Variants in GSK3B observed in about 807,000 individuals in gnomAD.
GSK3B encodes glycogen synthase kinase-3 beta.
Under a neutral mutation model 56.4 loss-of-function variants are expected in GSK3B, and 15 were observed. The observed-to-expected ratio is 0.27, with a 90% CI of 0.18 to 0.41. The LOEUF is 0.41. Ranked by LOEUF, GSK3B falls within the 10% of genes least tolerant of loss-of-function variation. The pLI is 1.00. For synonymous variants in GSK3B, 181 were observed against 188.9 expected (o/e 0.96, Z 0.34); for missense variants, 300 against 513.4 (o/e 0.58, Z 4.02).
At chr3:119,882,569 C>T (rs1214211523) in intron 7 of GSK3B, among the ~76,000 whole-genome samples, 1 of 152,130 alleles carries the variant, frequency 6.6e-6, no homozygotes, top group Non-Finnish European at 1.5e-5. Context: ...GGTATCAGTA[C>T]ACATCAGCAT....
intron 8 of GSK3B, among the ~76,000 whole-genome samples, chr3:119,867,769 T>C (rs1228459075): frequency 1.3e-5 from 2 of 152,196 alleles, no homozygotes; most frequent in Admixed American, 6.5e-5. Flanking sequence ...TCTTTTAGGA[T>C]AGTTTCCAGT....
chr3:119,981,745 C>T lies in GSK3B; in HGVS notation c.282+20301G>A, dbSNP rs189204641. Among the ~76,000 whole-genome samples, 470 of 152,360 alleles carry T rather than the reference C, an allele frequency of 3.1e-3. 3 individuals carry two copies. Among genetic ancestry groups the T allele is most frequent in the Non-Finnish European group, 5.2e-3 (355 of 68,020 alleles). On this transcript the variant is annotated intron_variant, in intron 2 of 10. Transcript: ENST00000264235. ...CTCAACAACACCTACAGCCTCTAGA[C>T]TCCACCTCTGTGGGCAAGGCATAGC...
intron 3 of GSK3B, among the ~76,000 whole-genome samples, chr3:119,934,963 T>A (rs983588509): frequency 6.6e-6 from 1 of 152,076 alleles, no homozygotes. Context: ...TTAGTTTTGC[T>A]GAAATATTAA....
intron 6 of GSK3B, among the ~76,000 whole-genome samples, chr3:119,910,468 CT>C (rs1222415323): frequency 1.3e-5 from 2 of 151,718 alleles, no homozygotes; most frequent in Admixed American, 1.3e-4. Context: ...CTTAAACACA[CT>C]TTATTACTAA....
intron 7 of GSK3B, among the ~76,000 whole-genome samples, chr3:119,890,847 A>G (rs908587605): frequency 6.6e-6 from 1 of 152,086 alleles, no homozygotes; most frequent in Non-Finnish European, 1.5e-5. Flanking sequence ...GCTAGCATTA[A>G]AAGTATCAGA....
intron 1 of GSK3B, among the ~76,000 whole-genome samples, chr3:120,076,578 G>A (rs1017536273): frequency 2.0e-5 from 3 of 152,080 alleles, no homozygotes; most frequent in Non-Finnish European, 4.4e-5. Flanking sequence ...CACTTTGGGA[G>A]GCCGAGACGG....
At chr3:119,834,747 C>T (rs771990808) in intron 10 of GSK3B, among the ~76,000 whole-genome samples, 4 of 152,082 alleles carry the variant, frequency 2.6e-5, no homozygotes, top group African/African-American at 4.8e-5. Flanking sequence ...CAGGGACACA[C>T]GGAAAAATGT....
At chr3:119,988,915 G>A (rs929346221) in intron 2 of GSK3B, among the ~76,000 whole-genome samples, 1 of 152,070 alleles carries the variant, frequency 6.6e-6, no homozygotes, top group Non-Finnish European at 1.5e-5. Context: ...ATGGGAAACT[G>A]GAAAAAGAAA....
intron 1 of GSK3B, among the ~76,000 whole-genome samples, chr3:120,058,038 C>T (rs2058205414): frequency 6.6e-6 from 1 of 151,924 alleles, no homozygotes; most frequent in Non-Finnish European, 1.5e-5. Flanking sequence ...GTATTGCTTG[C>T]TACAACAAAA....
chr3:119,860,327 T>C (rs1056791450), intron 9 of GSK3B, among the ~76,000 whole-genome samples: 1 of 151,892 alleles, frequency 6.6e-6, no homozygotes, highest in Non-Finnish European at 1.5e-5. Context: ...AAGAAGGGGG[T>C]GTGCCAAAGG....
intron 1 of GSK3B, among the ~76,000 whole-genome samples, chr3:120,049,841 A>G (rs1406567277): frequency 6.6e-6 from 1 of 152,210 alleles, no homozygotes; most frequent in South Asian, 2.1e-4. Flanking sequence ...TCTCGGTCAC[A>G]ACTACAAAAT....
chr3:119,895,806 T>C (rs140514295), intron 7 of GSK3B, among the ~76,000 whole-genome samples: 232 of 152,282 alleles, frequency 1.5e-3, no homozygotes, highest in Middle Eastern at 3.4e-3. Context: ...TCTTGATTAC[T>C]GCAGTTGTGT....
chr3:119,945,375 T>C (rs545871575), intron 3 of GSK3B, among the ~76,000 whole-genome samples: 43 of 152,306 alleles, frequency 2.8e-4, no homozygotes, highest in African/African-American at 1.0e-3. Context: ...GGTCTATTAC[T>C]TTTTATAATA....
intron 1 of GSK3B, among the ~76,000 whole-genome samples, chr3:120,071,420 G>A (rs1180520388): frequency 3.9e-5 from 6 of 152,202 alleles, no homozygotes; most frequent in Non-Finnish European, 5.9e-5. Context: ...GAGGTGAGCA[G>A]CAGGCAAGGG....
At chr3:120,007,762 G>A (rs934806041) in intron 1 of GSK3B, among the ~76,000 whole-genome samples, 2 of 152,124 alleles carry the variant, frequency 1.3e-5, no homozygotes, top group African/African-American at 4.8e-5. Context: ...TCGATGGAAC[G>A]TATCTCAACA....
chr3:119,852,854 T>C (rs1323347837), intron 9 of GSK3B, among the ~76,000 whole-genome samples: 2 of 152,202 alleles, frequency 1.3e-5, no homozygotes, highest in African/African-American at 4.8e-5. Flanking sequence ...TTGCAAAAAT[T>C]TTCTCCCATT....
At chr3:119,848,403 A>T (rs564675768) in intron 9 of GSK3B, among the ~76,000 whole-genome samples, 3 of 151,836 alleles carry the variant, frequency 2.0e-5, no homozygotes, top group Admixed American at 6.6e-5. Flanking sequence ...CATGAATTTT[A>T]AAAAGTTCAA....
intron 1 of GSK3B, among the ~76,000 whole-genome samples, chr3:120,035,952 A>C (rs1041956060): frequency 6.6e-6 from 1 of 152,178 alleles, no homozygotes; most frequent in Non-Finnish European, 1.5e-5. Flanking sequence ...TATCACTCTG[A>C]TGCCTTTTAC....
At chr3:120,073,546 A>G (rs1011011891) in intron 1 of GSK3B, among the ~76,000 whole-genome samples, 11 of 152,216 alleles carry the variant, frequency 7.2e-5, no homozygotes, top group Non-Finnish European at 1.5e-5. Flanking sequence ...ATTTTAAAAT[A>G]AAATAAACTG....
Sources: gnomAD v4.1 joint callset for allele counts (sites outside exome capture counted in the v4.1 genomes callset) on GRCh38, gnomAD v4.1.1 for gene constraint, MANE v1.5 for transcripts, NCBI Gene and HGNC (gene_info 2026-07-23, HGNC 2026-07-21) for gene names.